MYOM2: variants seen among roughly 807,000 people sequenced by gnomAD.
The protein encoded by MYOM2 is myomesin 2.
Under a neutral mutation model 187.6 loss-of-function variants are expected in MYOM2, and 254 were observed. That is an observed-to-expected ratio of 1.35 (90% CI 1.22 to 1.50). The LOEUF (loss-of-function observed/expected upper bound fraction) is 1.50. Ranked by LOEUF, MYOM2 falls within the 40% of genes most tolerant of loss-of-function variation. MYOM2 has a pLI of 0.00. For missense variants in MYOM2, 2,796 were observed against 1,924.0 expected (o/e 1.45, Z -8.48); for synonymous variants, 981 against 753.8 (o/e 1.30, Z -4.94).
At chr8:2,129,013 C>G (rs1797755816) in intron 31 of MYOM2, 114 bp from the exon 32 acceptor site, 2 of 654,232 alleles carry the variant, frequency 3.1e-6, no homozygotes, top group Non-Finnish European at 5.4e-6. Flanking sequence ...ATGAGAGACA[C>G]AAGTGAGAAC....
Position 2,109,411 on chromosome 8 carries a change from G to T in MYOM2, c.3060G>T (p.Ser1020=). Residue 1020 remains serine (S), a synonymous_variant, in exon 25 of 37, where the codon TCG becomes TCT. Transcript: ENST00000262113. ...EIKNPTIPLK[S]ELAYEIFDKG... The stretch of plus-strand genomic sequence containing the variant: ...TTCCTGTAGCAATTCCTCTGAAATC[G>T]GAATTAGCTTATGAGATTTTTGATA... 1 of 1,606,726 alleles carries T rather than the reference G, an allele frequency of 6.2e-7. No homozygotes were observed. Among genetic ancestry groups the T allele is most frequent in the Non-Finnish European group, 8.5e-7 (1 of 1,176,886 alleles).
intron 6 of MYOM2, 99 bp downstream of exon 6, chr8:2,059,344 CT>C (rs938817909): frequency 9.9e-7 from 1 of 1,005,220 alleles, no homozygotes; most frequent in African/African-American, 1.6e-5. Flanking sequence ...CAAATCACAC[CT>C]GTCTGTTTGC....
At chr8:2,079,732 G>T in intron 13 of MYOM2, 119 bp downstream of exon 13, 1 of 1,091,446 alleles carries the variant, frequency 9.2e-7, no homozygotes, top group Non-Finnish European at 1.4e-6. Context: ...ATGGAAAAAT[G>T]AAAACCGCAG....
At chr8:2,086,674 G>C (rs1004998625) in intron 14 of MYOM2, among the ~76,000 whole-genome samples, 2 of 152,280 alleles carry the variant, frequency 1.3e-5, no homozygotes, top group Non-Finnish European at 2.9e-5. Flanking sequence ...TTGCGTCCTA[G>C]CTGGGCGTTG....
intron 21 of MYOM2, among the ~76,000 whole-genome samples, chr8:2,105,953 G>A (rs975785569): frequency 6.6e-6 from 1 of 152,176 alleles, no homozygotes; most frequent in African/African-American, 2.4e-5. Flanking sequence ...TACAGTCATG[G>A]CAGAGGGCAC....
Position 2,142,279 on chromosome 8 carries a change from T to G in MYOM2, c.4002-96T>G, listed in dbSNP as rs183702267. ...CAAACGTATCTCCTTCTTCTTTTGC[T>G]TCATCGCTAGTGAGCCTCTCAGCTG... On this transcript the variant is annotated intron_variant, in intron 34 of 36. Coordinates refer to ENST00000262113, the MANE Select transcript of MYOM2 (RefSeq NM_003970.4). 1.6e-5 allele frequency: 19 copies of G among 1,216,830 alleles called. No homozygotes were observed. In the African/African-American group the frequency reaches 2.4e-4, roughly 15 times the overall value. 75.4% of individuals were successfully genotyped at this position (1,216,830 alleles called of 1,614,324 possible).
In MYOM2 at chr8:2,079,541, T is replaced by A; in HGVS notation, c.1463-19T>A. 1 of 1,613,854 alleles carries A rather than the reference T, an allele frequency of 6.2e-7. No homozygotes were observed. The highest frequency in any genetic ancestry group is 8.5e-7 in the Non-Finnish European group (1 of 1,179,792). On this transcript the variant is annotated intron_variant, in intron 12 of 36. Coordinates refer to ENST00000262113, the MANE Select transcript of MYOM2 (RefSeq NM_003970.4). ...AAAACTTCGCATGTCAAATCGAGTG[T>A]CAACCTTTCTCTCCGCAGCCGTTCA...
intron 6 of MYOM2, among the ~76,000 whole-genome samples, chr8:2,059,467 C>T (rs1188665219): frequency 1.3e-5 from 2 of 152,122 alleles, no homozygotes; most frequent in African/African-American, 2.4e-5. Flanking sequence ...GGAATAAAGA[C>T]AGTAGATAGT....
At position 2,109,665 on chromosome 8, in the gene MYOM2, T is replaced by TCA; in HGVS notation, c.3180+134_3180+135insCA. Reference sequence around the variant, plus strand: ...CCTTAAAGATTGGGGCATGGAAGGTTGACAAGATGAATGGAGATGGTTGAT... The same window carrying TCA: ...CCTTAAAGATTGGGGCATGGAAGGTTCAGACAAGATGAATGGAGATGGTTGAT... On this transcript the variant is annotated intron_variant, in intron 25 of 36. Coordinates refer to ENST00000262113, the MANE Select transcript of MYOM2 (RefSeq NM_003970.4). 4.1e-6 allele frequency: 4 copies of TCA among 970,334 alleles called. No individual in the cohort carries two copies. The Admixed American group carries it at 9.5e-5, about 23-fold the overall frequency. 60.1% of individuals were successfully genotyped at this position (970,334 alleles called of 1,614,324 possible). A position where few individuals can be genotyped will look rare whatever the true frequency, so the allele number is the denominator to read the frequency against.
At chr8:2,054,630 C>T (rs117193274) in intron 3 of MYOM2, among the ~76,000 whole-genome samples, 1 of 152,252 alleles carries the variant, frequency 6.6e-6, no homozygotes, top group East Asian at 1.9e-4. Context: ...TGCTATTGAC[C>T]TAAGAATAAG....
intron 31 of MYOM2, among the ~76,000 whole-genome samples, chr8:2,125,340 G>C (rs1350755040): frequency 2.0e-5 from 3 of 152,132 alleles, no homozygotes; most frequent in African/African-American, 4.8e-5. Context: ...ACTGATTAAA[G>C]AGACTGTCTT....
Position 2,145,087 on chromosome 8 carries a change from G to A in MYOM2, c.*106G>A. 8.3e-7 allele frequency: 1 copy of A among 1,203,492 alleles called. No individual in the cohort carries two copies. Among genetic ancestry groups the A allele is most frequent in the Non-Finnish European group, 1.2e-6 (1 of 851,500 alleles). 74.6% of individuals were successfully genotyped at this position (1,203,492 alleles called of 1,614,324 possible). A position where few individuals can be genotyped will look rare whatever the true frequency, so the allele number is the denominator to read the frequency against. On this transcript the variant is annotated 3_prime_UTR_variant, in exon 37 of 37. Coordinates refer to ENST00000262113, the MANE Select transcript of MYOM2 (RefSeq NM_003970.4). Reference sequence around the variant, plus strand: ...GGCATCCGAGTGGTGTCCTGTGTGGGCTGATAGTTGATCACACATTGTGCT... The same window carrying A: ...GGCATCCGAGTGGTGTCCTGTGTGGACTGATAGTTGATCACACATTGTGCT...
intron 14 of MYOM2, among the ~76,000 whole-genome samples, chr8:2,089,635 A>C (rs554029092): frequency 6.6e-6 from 1 of 152,202 alleles, no homozygotes; most frequent in African/African-American, 2.4e-5. Flanking sequence ...AATGCGAACC[A>C]CTGAGTTATG....
chr8:2,079,185 T>C lies in MYOM2; in HGVS notation c.1462+252T>C, dbSNP rs117732201. Among the ~76,000 whole-genome samples the C allele has an allele frequency of 1.0e-3, 143 of 141,116 alleles. 2 individuals are homozygous for C. The East Asian group carries it at 0.023, about 22-fold the overall frequency. 92.6% of individuals were successfully genotyped at this position (141,116 alleles called of 152,430 possible). A position where few individuals can be genotyped will look rare whatever the true frequency, so the allele number is the denominator to read the frequency against. ...AGCTCTTTGCTGGCATCCAGTTAAA[T>C]TGGCTCAGAATTAGACCTTTTTTTT... On this transcript the variant is annotated intron_variant, in intron 12 of 36. Transcript: ENST00000262113.
intron 13 of MYOM2, among the ~76,000 whole-genome samples, chr8:2,084,343 C>A (rs1249159683): frequency 2.0e-5 from 3 of 152,204 alleles, no homozygotes; most frequent in East Asian, 1.9e-4. Context: ...GAAACGAAAC[C>A]CAGTCTTGCT....
intron 28 of MYOM2, among the ~76,000 whole-genome samples, chr8:2,118,560 T>C (rs939429879): frequency 6.6e-6 from 1 of 152,180 alleles, no homozygotes; most frequent in African/African-American, 2.4e-5. Flanking sequence ...AAAGAGATGA[T>C]TCGTGAGCTG....
chr8:2,092,771 TC>T (rs1585891678), intron 16 of MYOM2, among the ~76,000 whole-genome samples: 1 of 145,630 alleles, frequency 6.9e-6, no homozygotes, highest in African/African-American at 2.5e-5. Context: ...TGTTTTTTTT[TC>T]CCCTGACATA....
In MYOM2 at chr8:2,089,937, C is replaced by A. The variant is rs1157523569; in HGVS notation, c.1645-71C>A. 11 of 1,468,334 alleles carry A rather than the reference C, an allele frequency of 7.5e-6. No homozygotes were observed. The Admixed American group carries it at 9.2e-5, about 12-fold the overall frequency. 91.0% of individuals were successfully genotyped at this position (1,468,334 alleles called of 1,614,324 possible). On this transcript the variant is annotated intron_variant, in intron 14 of 36. Coordinates refer to ENST00000262113, the MANE Select transcript of MYOM2 (RefSeq NM_003970.4). ...CTGGGATAGCGAGAACAGAGCATTT[C>A]TTCCTCCTCCACACGCCTCTGGGGA... is the stretch of plus-strand genomic sequence containing the variant.
chr8:2,064,731 G>A (rs1431971252), intron 6 of MYOM2, among the ~76,000 whole-genome samples: 1 of 152,194 alleles, frequency 6.6e-6, no homozygotes, highest in Non-Finnish European at 1.5e-5. Context: ...GCTGGCTGGC[G>A]AGGGGGGCCG....
Sources: gnomAD v4.1 joint callset for allele counts (sites outside exome capture counted in the v4.1 genomes callset) on GRCh38, gnomAD v4.1.1 for gene constraint, MANE v1.5 for transcripts, NCBI Gene and HGNC (gene_info 2026-07-23, HGNC 2026-07-21) for gene names.